The following LRP2 variants were observed in gnomAD, a reference collection of about 807,000 sequenced individuals.
The protein encoded by LRP2 is LDL receptor related protein 2, also known as low-density lipoprotein receptor-related protein 2.
In LRP2, 172 loss-of-function variants were observed where a neutral mutation model predicts 531.0. The ratio of observed to expected loss-of-function variants is 0.32; its 90% confidence interval spans 0.29 to 0.37. The LOEUF (loss-of-function observed/expected upper bound fraction) is 0.37. Among genes scored for constraint, LRP2 ranks in the 10% least tolerant of loss-of-function variants. The pLI is 1.00. For synonymous variants in LRP2, 1,992 were observed against 2,027.6 expected (o/e 0.98, Z 0.47); for missense variants, 5,167 against 5,868.3 (o/e 0.88, Z 3.90).
chr2:169,284,042 C>A (rs1240344043), intron 9 of LRP2, among the ~76,000 whole-genome samples: 2 of 152,144 alleles, frequency 1.3e-5, no homozygotes, highest in East Asian at 3.9e-4. Flanking sequence ...AGTTCCCACA[C>A]CCTCTGGTTT....
intron 49 of LRP2, among the ~76,000 whole-genome samples, chr2:169,187,197 C>T (rs1687664245): frequency 2.6e-5 from 4 of 151,904 alleles, no homozygotes; most frequent in Admixed American, 2.6e-4. Context: ...TAGATAATCT[C>T]TTCTCCACAT....
At position 169,173,179 on chromosome 2, in the gene LRP2, T is replaced by C. The variant is rs1200128742; in HGVS notation, c.11060A>G (p.Lys3687Arg). The change falls in exon 57 of 79, where the codon AAA becomes AGA. Residue 3687 changes from lysine (K) to arginine (R), a missense_variant. Lys to Arg is a conservative substitution (Grantham distance 26). This residue lies in a region of LRP2 where 311 missense variants were observed against 309.4 expected (regional missense o/e 1.01). Coordinates refer to ENST00000649046, the MANE Select transcript of LRP2 (RefSeq NM_004525.3). ...LCDNFTEFSC[K>R]TNYRCIPKWA... ...CTTTGGGATGCAGCGGTAATTTGTT[T>C]TGCAGCTGAATTCTGTGAAGTTGTC... The C allele has an allele frequency of 6.2e-6, 10 of 1,614,150 alleles. No individual in the cohort carries two copies. Among genetic ancestry groups the C allele is most frequent in the Non-Finnish European group, 8.5e-6 (10 of 1,180,008 alleles).
intron 34 of LRP2, among the ~76,000 whole-genome samples, chr2:169,217,429 T>A (rs75803701): frequency 0.018 from 2,685 of 152,224 alleles, 29 homozygotes; most frequent in Non-Finnish European, 0.03. Flanking sequence ...CTTTTCCTAT[T>A]AAACTTGTTC....
rs74457112 is a variant in LRP2 at position 169,236,103 on chromosome 2, C to T, written c.4692-35G>A. On this transcript the variant is annotated intron_variant, in intron 28 of 78. Coordinates refer to ENST00000649046, the MANE Select transcript of LRP2 (RefSeq NM_004525.3). ...GAAATGAGTTACCAATTGGAGGGGA[C>T]GTATTTAAATATTAAAAATAACTGT... is the stretch of plus-strand genomic sequence containing the variant. 14 of 1,425,328 alleles carry T rather than the reference C, an allele frequency of 9.8e-6. No individual in the cohort carries two copies. In the African/African-American group the frequency reaches 9.9e-5, roughly 10 times the overall value. The allele number at this position is 1,425,328 out of a possible 1,614,324, so 88.3% of individuals were successfully genotyped here.
chr2:169,146,030 C>T, intron 69 of LRP2, 107 bp from the exon 70 acceptor site: 3 of 1,013,558 alleles, frequency 3.0e-6, no homozygotes, highest in Non-Finnish European at 4.5e-6. Context: ...TGAATTATTC[C>T]CTCATACAAT....
At chr2:169,213,407 T>G (rs974718991) in intron 36 of LRP2, among the ~76,000 whole-genome samples, 2 of 152,124 alleles carry the variant, frequency 1.3e-5, no homozygotes, top group African/African-American at 4.8e-5. Context: ...AAGTAAGGAA[T>G]TGAAAGTAAT....
rs184741859 is a variant in LRP2 at position 169,263,141 on chromosome 2, C to T, written c.2321-3924G>A. Among the ~76,000 whole-genome samples, 682 of 152,112 alleles carry T rather than the reference C, an allele frequency of 4.5e-3. 9 individuals carry two copies. Among genetic ancestry groups the T allele is most frequent in the African/African-American group, 0.015 (641 of 41,474 alleles). On this transcript the variant is annotated intron_variant, in intron 16 of 78. Coordinates refer to ENST00000649046, the MANE Select transcript of LRP2 (RefSeq NM_004525.3). ...ATATTAGACCTAAAACCATAAAAACCCTAGAAGAAAACCTAGGCATTACCA... is the reference window on the plus strand; with the variant it reads ...ATATTAGACCTAAAACCATAAAAACTCTAGAAGAAAACCTAGGCATTACCA...
At chr2:169,256,289 C>G (rs1034429870) in intron 18 of LRP2, 53 bp from the exon 19 acceptor site, 2 of 1,536,762 alleles carry the variant, frequency 1.3e-6, no homozygotes, top group Admixed American at 3.4e-5. Context: ...TCAGAGCACC[C>G]TTTACACAAA....
intron 3 of LRP2, among the ~76,000 whole-genome samples, chr2:169,313,760 G>A (rs984873970): frequency 2.6e-5 from 4 of 152,042 alleles, no homozygotes; most frequent in Admixed American, 2.0e-4. Flanking sequence ...GAAATCACCC[G>A]TCTTCTATGT....
rs142018904 is a variant in LRP2 at position 169,137,378 on chromosome 2, G to C, written c.13620+14C>G. 1,050 of 1,564,662 alleles carry C rather than the reference G, an allele frequency of 6.7e-4. 7 individuals are homozygous for C. The African/African-American group carries it at 0.013, about 19-fold the overall frequency. On this transcript the variant is annotated intron_variant, in intron 76 of 78. Transcript: ENST00000649046. ...ACAGCAGTAACTGAAAGAAAAGACT[G>C]TATGGTTTCTCACCTGGATTGGCTG...
intron 46 of LRP2, among the ~76,000 whole-genome samples, chr2:169,196,647 T>C (rs545706631): frequency 7.9e-5 from 12 of 152,370 alleles, no homozygotes; most frequent in African/African-American, 2.2e-4. Context: ...AGCTAAGCAC[T>C]GTATTAGGTG....
Position 169,176,451 on chromosome 2 carries a change from T to G in LRP2, c.10531A>C (p.Met3511Leu), listed in dbSNP as rs756137964. ...CACAGGAACTGGGTGCTGGAGCACA[T>G]GGGCATGCAGTAGGTGCTGCCACTC... ...QLSGSTYCMP[M>L]CSSTQFLCAN... The change falls in exon 54 of 79, where the codon ATG becomes CTG. Residue 3511 changes from methionine (M) to leucine (L), a missense_variant. Physicochemically the swap from Met to Leu is conservative, Grantham distance 15 (BLOSUM62 2). Transcript: ENST00000649046. The G allele has an allele frequency of 2.6e-5, 42 of 1,614,038 alleles. No individual in the cohort carries two copies. The highest frequency in any genetic ancestry group is 3.4e-5 in the Non-Finnish European group (40 of 1,180,038).
chr2:169,182,097 A>G, intron 51 of LRP2, 70 bp downstream of exon 51: 1 of 1,593,796 alleles, frequency 6.3e-7, no homozygotes, highest in Non-Finnish European at 8.6e-7. Flanking sequence ...AGTTACATGA[A>G]CAGCCTTCTC....
At chr2:169,218,753 A>T (rs1688883630) in intron 34 of LRP2, among the ~76,000 whole-genome samples, 1 of 152,106 alleles carries the variant, frequency 6.6e-6, no homozygotes, top group Non-Finnish European at 1.5e-5. Context: ...GGCCTGGCTC[A>T]TAAAAACCTC....
At chr2:169,158,059 T>TACACACACACACACAC (rs765403252) in intron 63 of LRP2, among the ~76,000 whole-genome samples, 6 of 82,576 alleles carry the variant, frequency 7.3e-5, no homozygotes, top group African/African-American at 2.9e-4. Context: ...CAATTGATTA[T>TACACACACACACACAC]ATACACACAC....
intron 52 of LRP2, 76 bp downstream of exon 52, chr2:169,181,372 A>G (rs1574104387): frequency 4.2e-6 from 6 of 1,433,224 alleles, no homozygotes; most frequent in Non-Finnish European, 5.9e-6. Context: ...AGAGGGGACT[A>G]ATAGACTGGA....
intron 1 of LRP2, among the ~76,000 whole-genome samples, chr2:169,333,985 T>C (rs1464852408): frequency 6.6e-6 from 1 of 152,224 alleles, no homozygotes; most frequent in Admixed American, 6.5e-5. Flanking sequence ...TATTACATTG[T>C]CACCAACTGA....
intron 16 of LRP2, 24 bp downstream of exon 16, chr2:169,270,880 C>A (rs1394600613): frequency 6.3e-7 from 1 of 1,596,300 alleles, no homozygotes; most frequent in African/African-American, 1.3e-5. Flanking sequence ...TACACACACA[C>A]ACACACACAC....
At chr2:169,147,296 C>T (rs906071221) in intron 68 of LRP2, among the ~76,000 whole-genome samples, 1 of 152,176 alleles carries the variant, frequency 6.6e-6, no homozygotes, top group African/African-American at 2.4e-5. Context: ...AGGCACTGTT[C>T]TGTGTTTGGG....
Sources: gnomAD v4.1 joint callset for allele counts (sites outside exome capture counted in the v4.1 genomes callset) on GRCh38, gnomAD v4.1.1 for gene constraint, gnomAD v4.1.1 regional missense constraint, MANE v1.5 for transcripts, NCBI Gene and HGNC (gene_info 2026-07-23, HGNC 2026-07-21) for gene names.